Variants in MBD5 observed in about 807,000 individuals in gnomAD.
The protein encoded by MBD5 is methyl-CpG binding domain protein 5, also known as methyl-CpG-binding domain protein 5.
In MBD5, 13 loss-of-function variants were observed where a neutral mutation model predicts 117.3. That is an observed-to-expected ratio of 0.11 (90% CI 0.07 to 0.18). MBD5 has a LOEUF of 0.18. MBD5 is among the 10% of genes least tolerant of loss of function. MBD5 has a pLI of 1.00. For synonymous variants in MBD5, 727 were observed against 766.4 expected (o/e 0.95, Z 0.85); for missense variants, 1,879 against 2,093.8 (o/e 0.90, Z 2.00).
intron 4 of MBD5, among the ~76,000 whole-genome samples, chr2:148,368,360 G>A (rs79271140): frequency 0.02 from 3,007 of 152,000 alleles, 82 homozygotes; most frequent in African/African-American, 0.066. Context: ...AGCATTAGGA[G>A]AAATACCTAA....
intron 4 of MBD5, among the ~76,000 whole-genome samples, chr2:148,457,863 G>A (rs745720996): frequency 1.2e-4 from 19 of 152,192 alleles, no homozygotes; most frequent in East Asian, 3.9e-4. Context: ...TGTAGTTTAC[G>A]GTCATTAAGA....
intron 1 of MBD5, among the ~76,000 whole-genome samples, chr2:148,116,573 G>A (rs1696646500): frequency 6.6e-6 from 1 of 152,164 alleles, no homozygotes; most frequent in South Asian, 2.1e-4. Context: ...TGGACGTGTA[G>A]GTTAGTTCAA....
intron 4 of MBD5, among the ~76,000 whole-genome samples, chr2:148,386,230 A>C (rs1704356756): frequency 6.6e-6 from 1 of 152,208 alleles, no homozygotes; most frequent in South Asian, 2.1e-4. Context: ...AAAGAGCAGA[A>C]ATTAATGAAA....
chr2:148,359,288 T>G (rs757657681), intron 4 of MBD5, among the ~76,000 whole-genome samples: 2 of 149,812 alleles, frequency 1.3e-5, no homozygotes, highest in African/African-American at 4.9e-5. Context: ...AAAAAAATTG[T>G]AGTGTTTTAT....
chr2:148,303,530 C>G (rs1192132777), intron 3 of MBD5, among the ~76,000 whole-genome samples: 1 of 151,958 alleles, frequency 6.6e-6, no homozygotes, highest in Non-Finnish European at 1.5e-5. Context: ...CTTATCTGTC[C>G]ACATCATTTC....
intron 3 of MBD5, among the ~76,000 whole-genome samples, chr2:148,298,292 G>A (rs1042125909): frequency 3.9e-5 from 6 of 152,222 alleles, no homozygotes; most frequent in African/African-American, 2.4e-5. Flanking sequence ...CTTGCCTTCT[G>A]TGGAAGATAT....
intron 7 of MBD5, 62 bp from the exon 8 acceptor site, chr2:148,468,278 CT>C (rs1680654558): frequency 7.1e-7 from 1 of 1,401,130 alleles, no homozygotes; most frequent in East Asian, 2.3e-5. Context: ...CATTCCTTCC[CT>C]CCCTCCCACC....
At chr2:148,509,010 A>G (rs1434532965) in intron 12 of MBD5, among the ~76,000 whole-genome samples, 3 of 152,208 alleles carry the variant, frequency 2.0e-5, no homozygotes, top group East Asian at 1.9e-4. Flanking sequence ...TCAAAACACT[A>G]TGCTAACCAA....
rs765120295 is a variant in MBD5 at position 148,279,001 on chromosome 2, C to T, written c.-680+45606C>T. ...TTGCCCTTCCTGCAGTTTTTTGTTC[C>T]ATATGGTCCCCCAAGCGATTGGATG... On this transcript the variant is annotated intron_variant, in intron 3 of 13. Transcript: ENST00000642680. Among the ~76,000 whole-genome samples the T allele has an allele frequency of 4.5e-4, 69 of 152,204 alleles. 1 individual carries two copies. Among genetic ancestry groups the T allele is most frequent in the Non-Finnish European group, 8.4e-4 (57 of 68,004 alleles).
At chr2:148,322,902 A>G (rs1166308674) in intron 3 of MBD5, among the ~76,000 whole-genome samples, 2 of 151,602 alleles carry the variant, frequency 1.3e-5, no homozygotes, top group African/African-American at 4.8e-5. Flanking sequence ...TGTGCAGGTT[A>G]GTTACCTATG....
At chr2:148,122,807 T>C (rs191949512) in intron 1 of MBD5, among the ~76,000 whole-genome samples, 1 of 152,286 alleles carries the variant, frequency 6.6e-6, no homozygotes, top group African/African-American at 2.4e-5. Flanking sequence ...GATGTGAAAA[T>C]AGCCTTTGTA....
intron 1 of MBD5, among the ~76,000 whole-genome samples, chr2:148,169,754 G>A (rs115437628): frequency 0.012 from 1,867 of 152,098 alleles, 44 homozygotes; most frequent in African/African-American, 0.043. Context: ...CTTTTTTTCA[G>A]TGAGCTCACA....
chr2:148,195,397 A>T (rs6723662), intron 2 of MBD5, among the ~76,000 whole-genome samples: 1,917 of 152,310 alleles, frequency 0.013, 43 homozygotes, highest in African/African-American at 0.043. Flanking sequence ...TCTTAAAAAT[A>T]TATGAAGCAA....
intron 8 of MBD5, chr2:148,472,268 G>A (rs1680821844): frequency 6.6e-6 from 1 of 151,932 alleles, no homozygotes; most frequent in South Asian, 2.1e-4. Context: ...AAGCATATAG[G>A]TTAAAAATTT....
chr2:148,278,543 C>G (rs1287458900), intron 3 of MBD5, among the ~76,000 whole-genome samples: 3 of 152,122 alleles, frequency 2.0e-5, no homozygotes, highest in Non-Finnish European at 4.4e-5. Flanking sequence ...TTAAGGCCAT[C>G]ATTTTAAAAA....
chr2:148,072,573 G>A lies in MBD5; in HGVS notation c.-925+50889G>A, dbSNP rs1695389160. Among the ~76,000 whole-genome samples the A allele has an allele frequency of 2.6e-5, 4 of 152,102 alleles. No homozygotes were observed. In the South Asian group the frequency reaches 8.3e-4, roughly 31 times the overall value. On this transcript the variant is annotated intron_variant, in intron 1 of 13. Coordinates refer to ENST00000642680, the MANE Select transcript of MBD5 (RefSeq NM_001378120.1). ...TACCAACCAAAGGTTTGATTCAGCG[G>A]TAAATTGAATGATTTTAGATTTAAT... is the stretch of plus-strand genomic sequence containing the variant.
At chr2:148,393,079 A>C (rs1704610923) in intron 4 of MBD5, among the ~76,000 whole-genome samples, 1 of 152,122 alleles carries the variant, frequency 6.6e-6, no homozygotes, top group African/African-American at 2.4e-5. Flanking sequence ...GAAATATTAT[A>C]GGCCATAGGA....
At position 148,514,958 on chromosome 2, in the gene MBD5, G is replaced by T. The variant is rs1682311040; in HGVS notation, c.*2017G>T. 1 of 152,110 alleles carries T rather than the reference G, an allele frequency of 6.6e-6. No homozygotes were observed. Among genetic ancestry groups the T allele is most frequent in the South Asian group, 2.1e-4 (1 of 4,818 alleles). The allele number at this position is 152,110 out of a possible 1,614,324, so 9.4% of individuals were successfully genotyped here. ...AGGTTCATTTTGTCTCTCTTGTAATGGTGGGATTGCCTGCCCAGTTCCTTC... is the reference window on the plus strand; with the variant it reads ...AGGTTCATTTTGTCTCTCTTGTAATTGTGGGATTGCCTGCCCAGTTCCTTC... On this transcript the variant is annotated 3_prime_UTR_variant, in exon 14 of 14. Transcript: ENST00000642680.
chr2:148,325,009 A>G (rs1702404333), intron 3 of MBD5, among the ~76,000 whole-genome samples: 1 of 152,152 alleles, frequency 6.6e-6, no homozygotes, highest in Admixed American at 6.5e-5. Flanking sequence ...AATACATCCC[A>G]TCAATATCTA....
Sources: allele counts gnomAD v4.1 joint callset (sites outside exome capture counted in the v4.1 genomes callset), GRCh38; gene constraint gnomAD v4.1.1; transcripts MANE v1.5; gene names NCBI Gene and HGNC (gene_info 2026-07-23, HGNC 2026-07-21).